IFIT5: variants seen among roughly 807,000 people sequenced by gnomAD.
IFIT5 encodes interferon induced protein with tetratricopeptide repeats 5, also known as interferon-induced protein with tetratricopeptide repeats 5.
Under a neutral mutation model 5.0 loss-of-function variants are expected in IFIT5, and 2 were observed. The ratio of observed to expected loss-of-function variants is 0.40; its 90% CI spans 0.16 to 1.26. The LOEUF (loss-of-function observed/expected upper bound fraction) is 1.26, where lower values mean the gene tolerates loss of function less well. Among genes scored for constraint, IFIT5 ranks in the 50% most tolerant of loss-of-function variants. IFIT5 has a pLI of 0.33. For synonymous variants in IFIT5, 206 were observed against 204.6 expected (o/e 1.01, Z -0.06); for missense variants, 524 against 563.2 (o/e 0.93, Z 0.70).
At chr10:89,414,956 C>T (rs889042908) in intron 1 of IFIT5, among the ~76,000 whole-genome samples, 153 bp downstream of exon 1, 2 of 152,150 alleles carry the variant, frequency 1.3e-5, no homozygotes, top group Non-Finnish European at 2.9e-5. Flanking sequence ...GGGGACCCTC[C>T]CCGGGCGCTC....
rs1311322647 is a variant in IFIT5, at chr10:89,418,590, T to C, written c.1391T>C (p.Ile464Thr). Residue 464 changes from isoleucine to threonine, a missense_variant, in exon 2 of 2, where the codon ATA becomes ACA. By Grantham distance (89) the Ile-to-Thr change is moderately conservative. Transcript: ENST00000371795. Reference protein sequence around the residue: ...AAEYYEKAQKIDPENAEFLTA... With the variant: ...AAEYYEKAQKTDPENAEFLTA... The stretch of plus-strand genomic sequence containing the variant: ...GAGTACTATGAGAAGGCACAAAAGA[T>C]AGATCCAGAAAATGCAGAATTCCTG... The C allele has an allele frequency of 1.2e-6, 2 of 1,614,088 alleles. No homozygotes were observed. Among genetic ancestry groups the C allele is most frequent in the East Asian group, 2.2e-5 (1 of 44,874 alleles).
At chr10:89,417,165 G>T (rs1564817059) in intron 1 of IFIT5, 40 bp from the exon 2 acceptor site, 2 of 1,472,944 alleles carry the variant, frequency 1.4e-6, no homozygotes, top group East Asian at 2.3e-5. Context: ...ATTATTTCTT[G>T]TATTTCTTCA....
Position 89,417,386 on chromosome 10 carries a change from C to G in IFIT5, c.187C>G (p.Leu63Val), listed in dbSNP as rs761378996. The change falls in exon 2 of 2, where the codon CTA (leucine) becomes GTA (valine). Residue 63 changes from leucine to valine, a missense_variant. Transcript: ENST00000371795. Reference sequence around the variant, plus strand: ...TAACCTATTGGCCTATGTGAAACACCTAAAAGGCCAAAATAAAGACGCCCT... The same window carrying G: ...TAACCTATTGGCCTATGTGAAACACGTAAAAGGCCAAAATAAAGACGCCCT... ...LYNLLAYVKH[L>V]KGQNKDALEC... The G allele has an allele frequency of 1.1e-5, 17 of 1,614,068 alleles. No individual in the cohort carries two copies. Among genetic ancestry groups the G allele is most frequent in the Non-Finnish European group, 1.4e-5 (16 of 1,180,020 alleles).
At chr10:89,417,109 G>T in intron 1 of IFIT5, 96 bp from the exon 2 acceptor site, 2 of 1,027,538 alleles carry the variant, frequency 1.9e-6, no homozygotes, top group Non-Finnish European at 2.8e-6. Flanking sequence ...ATCAAATAGG[G>T]ATAAAATTAG....
In IFIT5 at chr10:89,417,679, AG is replaced by A. The variant is rs1192645712; in HGVS notation, c.481del (p.Ala161ArgfsTer36). The stretch of plus-strand genomic sequence containing the variant: ...GAGGAAAGTATTATCAAAAGGCTAA[AG>A]CGGCTTTTGAGAAGGCTCTGGAAGT... Reference protein sequence around the residue: ...FGGKYYQKAKAAFEKALEVEP... With the variant: ...FGGKYYQKAKXAFEKALEVEP... On this transcript the variant is annotated frameshift_variant, in exon 2 of 2. Transcript: ENST00000371795. LOFTEE classifies it low-confidence loss of function (END_TRUNC). 2 of 1,614,216 alleles carry A rather than the reference AG, an allele frequency of 1.2e-6. No individual in the cohort carries two copies. The highest frequency in any genetic ancestry group is 1.7e-6 in the Non-Finnish European group (2 of 1,180,032).
In IFIT5 at chr10:89,418,510, T is replaced by A; in HGVS notation, c.1311T>A (p.Ser437Arg). Reference sequence around the variant, plus strand: ...GTCACAATGCTTTAGATGTGCAGAGTTTAAGTGCCCTAGGGTTTGTTTACA... The same window carrying A: ...GTCACAATGCTTTAGATGTGCAGAGATTAAGTGCCCTAGGGTTTGTTTACA... ...RLCHNALDVQ[S>R]LSALGFVYKL... Residue 437 changes from serine to arginine, a missense_variant, in exon 2 of 2, where the codon AGT (serine) becomes AGA (arginine). Ser to Arg is a moderately radical substitution (Grantham distance 110, BLOSUM62 -1). Transcript: ENST00000371795. The A allele has an allele frequency of 6.2e-7, 1 of 1,614,010 alleles. No homozygotes were observed. The highest frequency in any genetic ancestry group is 8.5e-7 in the Non-Finnish European group (1 of 1,179,988).
At position 89,418,565 on chromosome 10, in the gene IFIT5, G is replaced by C. The variant is rs568835542; in HGVS notation, c.1366G>C (p.Glu456Gln). Reference sequence around the variant, plus strand: ...GGAAGGAGAAAAGAGGCAAGCTGCTGAGTACTATGAGAAGGCACAAAAGAT... The same window carrying C: ...GGAAGGAGAAAAGAGGCAAGCTGCTCAGTACTATGAGAAGGCACAAAAGAT... ...KLEGEKRQAA[E>Q]YYEKAQKIDP... Residue 456 changes from glutamate to glutamine, a missense_variant, in exon 2 of 2, where the codon GAG becomes CAG. Coordinates refer to ENST00000371795, the MANE Select transcript of IFIT5 (RefSeq NM_012420.3). 1.5e-4 allele frequency: 241 copies of C among 1,614,168 alleles called. 3 individuals carry two copies. The South Asian group carries it at 2.4e-3, about 16-fold the overall frequency.
At position 89,414,781 on chromosome 10, in the gene IFIT5, C is replaced by T. The variant is rs1283923466; in HGVS notation, c.-18C>T. 1.2e-6 allele frequency: 2 copies of T among 1,608,630 alleles called. No homozygotes were observed. Among genetic ancestry groups the T allele is most frequent in the Non-Finnish European group, 1.7e-6 (2 of 1,178,036 alleles). ...CGAGGGACTGCGCCGCCCGGACGGC[C>T]TGCAGAGCGCTGCCATCATGAGGTA... is the stretch of plus-strand genomic sequence containing the variant. On this transcript the variant is annotated 5_prime_UTR_variant, in exon 1 of 2. Transcript: ENST00000371795.
chr10:89,417,253 T>C lies in IFIT5; in HGVS notation c.54T>C (p.Cys18=), dbSNP rs143982604. ...AGGCCATTCTGTTGGAGTTAGAATG[T>C]CATTTTACATGGAATTTACTTAAGG... ...TLKAILLELE[C]HFTWNLLKED... is the part of the protein sequence containing the mutation. The change falls in exon 2 of 2, where the codon TGT becomes TGC. Residue 18 remains cysteine, a synonymous_variant. Transcript: ENST00000371795. 8.7e-6 allele frequency: 14 copies of C among 1,611,830 alleles called. No individual in the cohort carries two copies. The highest frequency in any genetic ancestry group is 1.1e-5 in the Non-Finnish European group (13 of 1,178,088).
At chr10:89,416,144 C>G (rs893913936) in intron 1 of IFIT5, among the ~76,000 whole-genome samples, 4 of 151,862 alleles carry the variant, frequency 2.6e-5, no homozygotes, top group Non-Finnish European at 4.4e-5. Context: ...GGGCTGGTCT[C>G]GAATTCCTGA....
At position 89,418,717 on chromosome 10, in the gene IFIT5, T is replaced by C; in HGVS notation, c.*69T>C. 1 of 1,443,036 alleles carries C rather than the reference T, an allele frequency of 6.9e-7. No homozygotes were observed. Among genetic ancestry groups the C allele is most frequent in the Non-Finnish European group, 9.4e-7 (1 of 1,069,102 alleles). 89.4% of individuals were successfully genotyped at this position (1,443,036 alleles called of 1,614,324 possible). A position where few individuals can be genotyped will look rare whatever the true frequency, so the allele number is the denominator to read the frequency against. ...TGGGTTCTCCTGTTTGTTTTTTTTT[T>C]ATTATTTTAATCCCTTGTTTATTAT... is the stretch of plus-strand genomic sequence containing the variant. On this transcript the variant is annotated 3_prime_UTR_variant, in exon 2 of 2. Transcript: ENST00000371795.
In IFIT5 at chr10:89,418,278, TTTTCCGGAAAGCTC is replaced by T; in HGVS notation, c.1082_1095del (p.Phe361SerfsTer8). On this transcript the variant is annotated frameshift_variant, in exon 2 of 2. Coordinates refer to ENST00000371795, the MANE Select transcript of IFIT5 (RefSeq NM_012420.3). LOFTEE classifies it low-confidence loss of function (END_TRUNC). ...GGCCAGTATAGCAATGCTGAGGACA[TTTTCCGGAAAGCTC>T]TTCGTCTGGAGAACATAACCGATGA... The T allele has an allele frequency of 6.2e-7, 1 of 1,614,124 alleles. No homozygotes were observed. Among genetic ancestry groups the T allele is most frequent in the Middle Eastern group, 1.6e-4 (1 of 6,062 alleles).
rs1162974839 is a variant in IFIT5 at position 89,417,903 on chromosome 10, A to G, written c.704A>G (p.Glu235Gly). ...LQDVHAEAEG[E>G]KYIEEILDQI... ...GATGTACATGCAGAAGCTGAAGGGG[A>G]AAAGTATATTGAAGAAATCCTGGAC... Residue 235 changes from glutamate to glycine, a missense_variant, in exon 2 of 2, where the codon GAA becomes GGA. Physicochemically the swap from Glu to Gly is moderately conservative, Grantham distance 98. Transcript: ENST00000371795. The G allele has an allele frequency of 6.2e-7, 1 of 1,614,146 alleles. No homozygotes were observed. The highest frequency in any genetic ancestry group is 8.5e-7 in the Non-Finnish European group (1 of 1,180,000).
At position 89,417,583 on chromosome 10, in the gene IFIT5, C is replaced by G. The variant is rs1038559344; in HGVS notation, c.384C>G (p.Ser128=). 5.6e-6 allele frequency: 9 copies of G among 1,614,074 alleles called. No individual in the cohort carries two copies. Among genetic ancestry groups the G allele is most frequent in the Non-Finnish European group, 7.6e-6 (9 of 1,180,044 alleles). Residue 128 remains serine, a synonymous_variant, in exon 2 of 2, where the codon TCC becomes TCG. Coordinates refer to ENST00000371795, the MANE Select transcript of IFIT5 (RefSeq NM_012420.3). ...TAGGGAATGTCTGTAAGAAATTGTC[C>G]AGTCCTTCTAACTACAAGTTGGAGT... ...GKIGNVCKKL[S]SPSNYKLECP... is the part of the protein sequence containing the mutation.
intron 1 of IFIT5, among the ~76,000 whole-genome samples, chr10:89,416,077 C>A (rs1175452952): frequency 2.6e-5 from 4 of 151,860 alleles, no homozygotes; most frequent in Non-Finnish European, 5.9e-5. Flanking sequence ...CGTGTGCCAC[C>A]ACGCCTGGCT....
Position 89,414,673 on chromosome 10 carries a change from T to C in IFIT5, c.-126T>C, listed in dbSNP as rs955387489. 1.7e-6 allele frequency: 2 copies of C among 1,144,356 alleles called. No individual in the cohort carries two copies. Among genetic ancestry groups the C allele is most frequent in the South Asian group, 3.3e-5 (2 of 59,942 alleles). The allele number at this position is 1,144,356 out of a possible 1,614,324, so 70.9% of individuals were successfully genotyped here. A position where few individuals can be genotyped will look rare whatever the true frequency, so the allele number is the denominator to read the frequency against. On this transcript the variant is annotated 5_prime_UTR_variant, in exon 1 of 2. Coordinates refer to ENST00000371795, the MANE Select transcript of IFIT5 (RefSeq NM_012420.3). ...ACGCCGCGCGGCCGAGTCCAGGGGC[T>C]GCAGAGGCCTGGCGCGCGCACGCGC... is the stretch of plus-strand genomic sequence containing the variant.
In IFIT5 at chr10:89,419,164, G is replaced by GA. The variant is rs932600163; in HGVS notation, c.*522dup. The GA allele has an allele frequency of 1.3e-5, 2 of 151,810 alleles. No homozygotes were observed. Among genetic ancestry groups the GA allele is most frequent in the Admixed American group, 6.6e-5 (1 of 15,256 alleles). 9.4% of individuals were successfully genotyped at this position (151,810 alleles called of 1,614,324 possible). On this transcript the variant is annotated 3_prime_UTR_variant, in exon 2 of 2. Transcript: ENST00000371795. ...GTCACCTAAAATATCTTTTTTGTTG[G>GA]AAAAAAGTTTATAATAAAAAAGTTT...
chr10:89,418,655 A>G lies in IFIT5; in HGVS notation c.*7A>G. ...GCTCCGACTTTCCATTTAAATACAT[A>G]CTCTAGGAAATTAGCTCTAAGTTTT... is the stretch of plus-strand genomic sequence containing the variant. On this transcript the variant is annotated 3_prime_UTR_variant, in exon 2 of 2. Transcript: ENST00000371795. 6.3e-7 allele frequency: 1 copy of G among 1,580,716 alleles called. No homozygotes were observed. The highest frequency in any genetic ancestry group is 8.6e-7 in the Non-Finnish European group (1 of 1,164,768).
rs1841587975 is a variant in IFIT5 at position 89,420,586 on chromosome 10, G to A, written c.*1938G>A. 1 of 152,208 alleles carries A rather than the reference G, an allele frequency of 6.6e-6. No homozygotes were observed. The highest frequency in any genetic ancestry group is 2.4e-5 in the African/African-American group (1 of 41,450). The allele number at this position is 152,208 out of a possible 1,614,324, so 9.4% of individuals were successfully genotyped here. A position where few individuals can be genotyped will look rare whatever the true frequency, so the allele number is the denominator to read the frequency against. On this transcript the variant is annotated 3_prime_UTR_variant, in exon 2 of 2. Transcript: ENST00000371795. ...GTGTTCATACACAGAAGGGGCCTGA[G>A]ATTTCTGCACTTTAAACAAGCTCCT...
Sources: allele counts gnomAD v4.1 joint callset (sites outside exome capture counted in the v4.1 genomes callset), GRCh38; gene constraint gnomAD v4.1.1; transcripts MANE v1.5; gene names NCBI Gene and HGNC (gene_info 2026-07-23, HGNC 2026-07-21).